CNTNAP2: variants seen among roughly 807,000 people sequenced by gnomAD.
The protein encoded by CNTNAP2 is contactin-associated protein-like 2.
In CNTNAP2, 98 loss-of-function variants were observed where a neutral mutation model predicts 155.2. The observed-to-expected ratio is 0.63, with a 90% CI of 0.54 to 0.75. CNTNAP2 has a LOEUF of 0.75. Among genes scored for constraint, CNTNAP2 ranks in the 30% least tolerant of loss-of-function variants. CNTNAP2 has a pLI of 0.00. For missense variants in CNTNAP2, 1,727 were observed against 1,688.1 expected (o/e 1.02, Z -0.40); for synonymous variants, 651 against 631.2 (o/e 1.03, Z -0.47).
intron 10 of CNTNAP2, among the ~76,000 whole-genome samples, chr7:147,414,941 C>CAAAAAA (rs67048724): frequency 1.9e-3 from 97 of 50,754 alleles, no homozygotes; most frequent in African/African-American, 2.5e-3. Flanking sequence ...GACTCCTTCT[C>CAAAAAA]AAAAAAAAAA....
At chr7:147,310,283 G>T (rs1014386386) in intron 9 of CNTNAP2, among the ~76,000 whole-genome samples, 5 of 152,100 alleles carry the variant, frequency 3.3e-5, no homozygotes, top group Admixed American at 6.5e-5. Flanking sequence ...AGTTTTCAAA[G>T]AAAAATATCA....
chr7:146,970,774 C>G (rs867959324), intron 3 of CNTNAP2, among the ~76,000 whole-genome samples: 3 of 152,080 alleles, frequency 2.0e-5, no homozygotes, highest in Admixed American at 2.0e-4. Flanking sequence ...ATGTTTATTG[C>G]GGCACTATTC....
intron 12 of CNTNAP2, among the ~76,000 whole-genome samples, chr7:147,593,656 T>C (rs1324896467): frequency 6.6e-6 from 1 of 152,216 alleles, no homozygotes; most frequent in Non-Finnish European, 1.5e-5. Context: ...CTTGGGATCA[T>C]AGTTGGCTAC....
intron 1 of CNTNAP2, among the ~76,000 whole-genome samples, chr7:146,389,897 C>T (rs1422909221): frequency 1.3e-5 from 2 of 151,722 alleles, no homozygotes; most frequent in African/African-American, 4.8e-5. Flanking sequence ...GACAGGATTC[C>T]ACCATGTTGG....
chr7:146,861,818 A>C (rs1463682797), intron 3 of CNTNAP2, among the ~76,000 whole-genome samples: 5 of 152,112 alleles, frequency 3.3e-5, no homozygotes, highest in African/African-American at 1.2e-4. Context: ...TTTTGGAGCC[A>C]TGGCGCCTTA....
chr7:146,447,656 T>C (rs1163901795), intron 1 of CNTNAP2, among the ~76,000 whole-genome samples: 2 of 152,000 alleles, frequency 1.3e-5, no homozygotes, highest in Admixed American at 6.6e-5. Context: ...ACACCTGTGC[T>C]ATAAATTCAG....
chr7:146,282,004 A>G (rs1039158542), intron 1 of CNTNAP2, among the ~76,000 whole-genome samples: 1 of 152,150 alleles, frequency 6.6e-6, no homozygotes, highest in Non-Finnish European at 1.5e-5. Context: ...TCTTAGTAAC[A>G]TAGTAGAGAC....
At chr7:148,224,134 A>G (rs1402309171) in intron 19 of CNTNAP2, among the ~76,000 whole-genome samples, 3 of 152,226 alleles carry the variant, frequency 2.0e-5, no homozygotes, top group Non-Finnish European at 4.4e-5. Context: ...GAAGAAATGA[A>G]TAAGAGATGA....
chr7:148,225,964 G>A (rs1356445804), intron 19 of CNTNAP2, among the ~76,000 whole-genome samples: 3 of 152,144 alleles, frequency 2.0e-5, no homozygotes, highest in African/African-American at 4.8e-5. Context: ...TATGTTTGGG[G>A]TTGCCAGTAA....
chr7:146,340,232 A>C (rs1339894171), intron 1 of CNTNAP2, among the ~76,000 whole-genome samples: 4 of 149,340 alleles, frequency 2.7e-5, no homozygotes, highest in Non-Finnish European at 3.0e-5. Flanking sequence ...TCATATTGAA[A>C]GCCAATTTTA....
intron 1 of CNTNAP2, among the ~76,000 whole-genome samples, chr7:146,636,635 C>A (rs1799604879): frequency 6.6e-6 from 1 of 152,178 alleles, no homozygotes; most frequent in Non-Finnish European, 1.5e-5. Flanking sequence ...CTGAGAAGGT[C>A]AACCACTAAA....
chr7:146,514,964 TG>T (rs1411670067), intron 1 of CNTNAP2, among the ~76,000 whole-genome samples: 2 of 152,014 alleles, frequency 1.3e-5, no homozygotes, highest in Non-Finnish European at 2.9e-5. Flanking sequence ...CCAGGGCTCT[TG>T]CAAAAGCTTG....
intron 3 of CNTNAP2, among the ~76,000 whole-genome samples, chr7:146,972,566 A>G (rs978203264): frequency 6.6e-6 from 1 of 152,176 alleles, no homozygotes; most frequent in Non-Finnish European, 1.5e-5. Context: ...ATAAACAATA[A>G]TGATGTAACA....
chr7:148,324,776 CAG>C (rs1481252719), intron 21 of CNTNAP2, among the ~76,000 whole-genome samples: 3 of 113,688 alleles, frequency 2.6e-5, no homozygotes, highest in African/African-American at 1.1e-4. Flanking sequence ...GCTTGGGTGA[CAG>C]AGTAAGACTC....
At position 146,145,453 on chromosome 7, in the gene CNTNAP2, A is replaced by G. The variant is rs1354244831; in HGVS notation, c.97+28480A>G. ...GAAAAGAGTAGATACTGGGCAGGCA[A>G]TTAGAAATCTTTGCAGCAAGACATT... On this transcript the variant is annotated intron_variant, in intron 1 of 23. Transcript: ENST00000361727. Among the ~76,000 whole-genome samples the G allele has an allele frequency of 3.9e-5, 6 of 152,322 alleles. No individual in the cohort carries two copies. In the East Asian group the frequency reaches 1.2e-3, roughly 29 times the overall value.
chr7:148,150,414 G>T (rs568138594), intron 17 of CNTNAP2, among the ~76,000 whole-genome samples: 1 of 152,246 alleles, frequency 6.6e-6, no homozygotes, highest in South Asian at 2.1e-4. Context: ...CAGGCATGGT[G>T]GTGGGTGCCT....
intron 13 of CNTNAP2, among the ~76,000 whole-genome samples, chr7:147,870,891 G>C (rs1301565902): frequency 6.6e-6 from 1 of 152,030 alleles, no homozygotes; most frequent in Non-Finnish European, 1.5e-5. Context: ...AGGATAGGGG[G>C]ATCCTTTCAG....
At chr7:148,194,664 A>G (rs1585180192) in intron 18 of CNTNAP2, among the ~76,000 whole-genome samples, 1 of 152,026 alleles carries the variant, frequency 6.6e-6, no homozygotes, top group African/African-American at 2.4e-5. Flanking sequence ...CCAGTGTGTA[A>G]CCTCCAGTCC....
intron 21 of CNTNAP2, among the ~76,000 whole-genome samples, chr7:148,299,277 A>T (rs897563883): frequency 2.0e-5 from 3 of 152,210 alleles, no homozygotes; most frequent in African/African-American, 7.2e-5. Flanking sequence ...GATGTGAGCC[A>T]CCACACCCGG....
Sources: gnomAD v4.1 joint callset for allele counts (sites outside exome capture counted in the v4.1 genomes callset) on GRCh38, gnomAD v4.1.1 for gene constraint, MANE v1.5 for transcripts, NCBI Gene and HGNC (gene_info 2026-07-23, HGNC 2026-07-21) for gene names.